ASTN2: variants seen among roughly 807,000 people sequenced by gnomAD.
ASTN2 encodes astrotactin-2.
Under a neutral mutation model 139.8 loss-of-function variants are expected in ASTN2, and 54 were observed. That is an observed-to-expected ratio of 0.39 (90% confidence interval 0.31 to 0.48). The LOEUF (loss-of-function observed/expected upper bound fraction) is 0.48. ASTN2 is among the 20% of genes least tolerant of loss of function. ASTN2 has a pLI of 0.95. For missense variants in ASTN2, 1,565 were observed against 1,725.1 expected, an observed-to-expected ratio of 0.91 and a Z score of 1.64; for synonymous variants, 756 against 719.5, an observed-to-expected ratio of 1.05 and a Z score of -0.81.
chr9:116,635,755 C>G (rs1361128450), intron 17 of ASTN2, among the ~76,000 whole-genome samples: 1 of 152,132 alleles, frequency 6.6e-6, no homozygotes, highest in East Asian at 1.9e-4. Context: ...AGAAGCCAAG[C>G]CCAAAAGCCC....
At position 117,108,875 on chromosome 9, in the gene ASTN2, C is replaced by A. The variant is rs146115982; in HGVS notation, c.1169-12724G>T. 8.6e-4 allele frequency among the ~76,000 whole-genome samples: 131 copies of A among 152,294 alleles called. 1 individual carries two copies. Among genetic ancestry groups the A allele is most frequent in the African/African-American group, 3.1e-3 (127 of 41,562 alleles). ...CATGAACCCATGATGGCTTCTGGTG[C>A]TCCCAACTTCCCTTCACATATTGAC... On this transcript the variant is annotated intron_variant, in intron 4 of 22. Transcript: ENST00000313400.
intron 1 of ASTN2, among the ~76,000 whole-genome samples, chr9:117,306,241 A>G (rs7022764): frequency 0.68 from 103,343 of 152,066 alleles, 35,400 homozygotes; most frequent in Admixed American, 0.73. Flanking sequence ...AAATGTTTCC[A>G]GAGAGCGTTT....
chr9:116,953,912 G>T (rs1479239372), intron 10 of ASTN2, among the ~76,000 whole-genome samples: 2 of 152,190 alleles, frequency 1.3e-5, no homozygotes, highest in African/African-American at 4.8e-5. Flanking sequence ...AGTAGAAGGG[G>T]TCACACAATG....
At chr9:117,031,991 T>C (rs1838259943) in intron 6 of ASTN2, among the ~76,000 whole-genome samples, 1 of 152,178 alleles carries the variant, frequency 6.6e-6, no homozygotes, top group African/African-American at 2.4e-5. Flanking sequence ...GCATTGTTAA[T>C]AAAAGATAGG....
intron 16 of ASTN2, among the ~76,000 whole-genome samples, chr9:116,670,253 C>T (rs1859113598): frequency 1.3e-5 from 2 of 152,114 alleles, no homozygotes; most frequent in African/African-American, 2.4e-5. Flanking sequence ...TATGTAAGTA[C>T]TTAGAACATG....
At chr9:116,826,711 T>C (rs1831637967) in intron 11 of ASTN2, among the ~76,000 whole-genome samples, 1 of 152,066 alleles carries the variant, frequency 6.6e-6, no homozygotes, top group South Asian at 2.1e-4. Context: ...AGCCAACTAA[T>C]GGCCCAAGAA....
chr9:117,280,777 T>G (rs906966722), intron 2 of ASTN2, among the ~76,000 whole-genome samples: 8 of 152,192 alleles, frequency 5.3e-5, no homozygotes, highest in African/African-American at 1.9e-4. Context: ...TCGGCCAGAT[T>G]TCTCCACTGT....
chr9:116,639,612 C>T (rs188921046), intron 17 of ASTN2, among the ~76,000 whole-genome samples: 1 of 152,310 alleles, frequency 6.6e-6, no homozygotes, highest in Admixed American at 6.5e-5. Context: ...CTTGCTCTTC[C>T]TGGAAGCCCA....
At chr9:116,801,653 A>G (rs1830862918) in intron 13 of ASTN2, among the ~76,000 whole-genome samples, 1 of 151,710 alleles carries the variant, frequency 6.6e-6, no homozygotes, top group South Asian at 2.1e-4. Context: ...AAAAAAGGAA[A>G]AGATAAATTT....
At chr9:116,944,017 C>G (rs1345866029) in intron 10 of ASTN2, among the ~76,000 whole-genome samples, 3 of 151,438 alleles carry the variant, frequency 2.0e-5, no homozygotes, top group Non-Finnish European at 4.4e-5. Context: ...CAATAATAGC[C>G]AACATTAATG....
chr9:117,060,484 G>GGAAA (rs1839246422), intron 5 of ASTN2, among the ~76,000 whole-genome samples: 1 of 57,936 alleles, frequency 1.7e-5, no homozygotes, highest in African/African-American at 9.4e-5. Context: ...AAGGAAGGAA[G>GGAAA]GAATGAAAGA....
chr9:117,045,799 A>G (rs1838717938), intron 5 of ASTN2, among the ~76,000 whole-genome samples: 1 of 152,152 alleles, frequency 6.6e-6, no homozygotes, highest in South Asian at 2.1e-4. Context: ...TCCCCAAAGC[A>G]TGAGAGACCA....
At chr9:116,646,156 G>T (rs1397196471) in intron 17 of ASTN2, among the ~76,000 whole-genome samples, 1 of 152,182 alleles carries the variant, frequency 6.6e-6, no homozygotes, top group Non-Finnish European at 1.5e-5. Flanking sequence ...AGCCGGTAGA[G>T]CAAAGAACCT....
intron 1 of ASTN2, among the ~76,000 whole-genome samples, chr9:117,346,224 A>T (rs966114806): frequency 6.6e-6 from 1 of 152,118 alleles, no homozygotes; most frequent in Non-Finnish European, 1.5e-5. Context: ...CTTTTTTAAA[A>T]GGATTTGCAT....
At chr9:116,536,830 C>G (rs1851651558) in intron 19 of ASTN2, among the ~76,000 whole-genome samples, 2 of 152,232 alleles carry the variant, frequency 1.3e-5, no homozygotes, top group African/African-American at 4.8e-5. Context: ...GGCAGTCTGT[C>G]TGTTCTCAGA....
At chr9:116,455,044 A>G (rs1211897073) in intron 20 of ASTN2, among the ~76,000 whole-genome samples, 3 of 152,044 alleles carry the variant, frequency 2.0e-5, no homozygotes, top group Admixed American at 2.0e-4. Flanking sequence ...TAATAATAAA[A>G]AAAAAAAAGG....
intron 16 of ASTN2, among the ~76,000 whole-genome samples, chr9:116,693,529 T>C (rs541627561): frequency 3.4e-4 from 51 of 152,062 alleles, no homozygotes; most frequent in African/African-American, 1.1e-3. Context: ...AGAGATGTGC[T>C]AGTACAGTAT....
chr9:116,922,424 C>A (rs952662859), intron 10 of ASTN2, among the ~76,000 whole-genome samples: 2 of 152,006 alleles, frequency 1.3e-5, no homozygotes, highest in Non-Finnish European at 2.9e-5. Context: ...ACTCAGGGGG[C>A]AATTTAGGTG....
chr9:116,631,573 G>A (rs1856746431), intron 17 of ASTN2, among the ~76,000 whole-genome samples: 1 of 152,116 alleles, frequency 6.6e-6, no homozygotes, highest in African/African-American at 2.4e-5. Context: ...AAGGGTAAGA[G>A]AGAGAGAGGG....
Sources: gnomAD v4.1 joint callset for allele counts (sites outside exome capture counted in the v4.1 genomes callset) on GRCh38, gnomAD v4.1.1 for gene constraint, MANE v1.5 for transcripts, NCBI Gene and HGNC (gene_info 2026-07-23, HGNC 2026-07-21) for gene names.